The following SPIDR variants were observed in gnomAD, a reference collection of about 807,000 sequenced individuals.
The protein encoded by SPIDR is DNA repair-scaffolding protein.
In SPIDR, 93 loss-of-function variants were observed where a neutral mutation model predicts 104.6. The ratio of observed to expected loss-of-function variants is 0.89; its 90% CI spans 0.75 to 1.06. SPIDR has a LOEUF of 1.06. Among genes scored for constraint, SPIDR ranks in the 50% least tolerant of loss-of-function variants. The pLI is 0.00. For missense variants in SPIDR, 1,154 were observed against 1,111.2 expected (o/e 1.04, Z -0.55); for synonymous variants, 431 against 416.9 (o/e 1.03, Z -0.41).
At chr8:47,321,172 T>TA (rs1322360801) in intron 5 of SPIDR, among the ~76,000 whole-genome samples, 2 of 152,152 alleles carry the variant, frequency 1.3e-5, no homozygotes, top group African/African-American at 4.8e-5. Flanking sequence ...TTGCAGATGA[T>TA]ACGATTGTAT....
intron 7 of SPIDR, among the ~76,000 whole-genome samples, chr8:47,427,482 G>C (rs546157419): frequency 1.2e-3 from 188 of 152,100 alleles, no homozygotes; most frequent in Non-Finnish European, 1.9e-3. Context: ...TCAATAACAA[G>C]ACTGGTTTTT....
chr8:47,273,628 C>G (rs1386112794), intron 1 of SPIDR, among the ~76,000 whole-genome samples: 1 of 149,174 alleles, frequency 6.7e-6, no homozygotes, highest in Non-Finnish European at 1.5e-5. Context: ...CAGTCTTGCT[C>G]TGTCACCCAG....
intron 8 of SPIDR, among the ~76,000 whole-genome samples, chr8:47,538,857 CTTTTTTTTTTT>C (rs1161571829): frequency 5.0e-5 from 5 of 100,844 alleles, no homozygotes; most frequent in Non-Finnish European, 1.0e-4. Flanking sequence ...TTTTTCTTTT[CTTTTTTTTTTT>C]TTTTTTTTTT....
intron 7 of SPIDR, among the ~76,000 whole-genome samples, chr8:47,421,432 C>T (rs1272188825): frequency 6.6e-6 from 1 of 152,142 alleles, no homozygotes; most frequent in South Asian, 2.1e-4. Context: ...TTCGTCCTGT[C>T]GTTCTCTTGT....
chr8:47,482,551 T>C (rs1160869416), intron 8 of SPIDR, among the ~76,000 whole-genome samples: 1 of 152,224 alleles, frequency 6.6e-6, no homozygotes, highest in Admixed American at 6.5e-5. Flanking sequence ...TCTCTGAGGC[T>C]GTAGGTGCTG....
chr8:47,446,013 C>G (rs1016456487), intron 8 of SPIDR, among the ~76,000 whole-genome samples: 2 of 152,178 alleles, frequency 1.3e-5, no homozygotes, highest in Non-Finnish European at 2.9e-5. Context: ...GAAACTGCAG[C>G]AAATTATCCA....
At chr8:47,425,257 A>T (rs953023899) in intron 7 of SPIDR, among the ~76,000 whole-genome samples, 2 of 152,152 alleles carry the variant, frequency 1.3e-5, no homozygotes, top group East Asian at 1.9e-4. Context: ...GGCAGGTCAC[A>T]TTCATTTACT....
intron 5 of SPIDR, among the ~76,000 whole-genome samples, chr8:47,348,759 A>G (rs1554620186): frequency 6.6e-6 from 1 of 152,132 alleles, no homozygotes; most frequent in Non-Finnish European, 1.5e-5. Flanking sequence ...AAGCTTGTGC[A>G]TGCGTCACGT....
intron 2 of SPIDR, among the ~76,000 whole-genome samples, chr8:47,283,635 A>G (rs1212937113): frequency 6.6e-6 from 1 of 152,208 alleles, no homozygotes; most frequent in Non-Finnish European, 1.5e-5. Flanking sequence ...GTATGCCTTT[A>G]TATTCAGAAT....
intron 6 of SPIDR, among the ~76,000 whole-genome samples, chr8:47,402,459 G>T (rs2062040475): frequency 6.6e-6 from 1 of 152,090 alleles, no homozygotes; most frequent in Non-Finnish European, 1.5e-5. Flanking sequence ...CTGCTAGCAG[G>T]ACTAATAAAG....
At chr8:47,673,642 CTTT>C in intron 10 of SPIDR, 156 bp from the exon 11 acceptor site, 1 of 892,666 alleles carries the variant, frequency 1.1e-6, no homozygotes, top group Non-Finnish European at 1.7e-6. Flanking sequence ...CAGTGGATTT[CTTT>C]TTTTTTTCCC....
intron 7 of SPIDR, chr8:47,419,375 A>G (rs2064990022): frequency 6.6e-6 from 1 of 152,094 alleles, no homozygotes; most frequent in African/African-American, 2.4e-5. Context: ...GAATTTATCC[A>G]TTTCTTCTAG....
intron 5 of SPIDR, among the ~76,000 whole-genome samples, chr8:47,385,678 C>T (rs1554647767): frequency 6.6e-6 from 1 of 152,178 alleles, no homozygotes; most frequent in Admixed American, 6.5e-5. Context: ...CTTGGAATGC[C>T]TTTTTGCATA....
chr8:47,629,282 C>G (rs1022490299), intron 10 of SPIDR, among the ~76,000 whole-genome samples: 3 of 152,122 alleles, frequency 2.0e-5, no homozygotes, highest in Admixed American at 2.0e-4. Context: ...TGCTGGACAC[C>G]CAGTAGGTCT....
intron 5 of SPIDR, among the ~76,000 whole-genome samples, chr8:47,297,388 A>G (rs942303671): frequency 5.3e-5 from 8 of 152,244 alleles, no homozygotes; most frequent in African/African-American, 1.2e-4. Context: ...TATTCCTTCT[A>G]TACATAATGT....
Position 47,390,425 on chromosome 8 carries a change from A to C in SPIDR, c.526-5951A>C, listed in dbSNP as rs142727382. Reference sequence around the variant, plus strand: ...ATAGTCAGAATACTTTATAGCAATGAAAATTAATGATCTACAGCTGCTGTG... The same window carrying C: ...ATAGTCAGAATACTTTATAGCAATGCAAATTAATGATCTACAGCTGCTGTG... On this transcript the variant is annotated intron_variant, in intron 5 of 19. Coordinates refer to ENST00000297423, the MANE Select transcript of SPIDR (RefSeq NM_001080394.4). 8.2e-4 allele frequency among the ~76,000 whole-genome samples: 125 copies of C among 152,256 alleles called. 1 individual carries two copies. The highest frequency in any genetic ancestry group is 1.5e-3 in the Non-Finnish European group (104 of 68,028).
intron 8 of SPIDR, among the ~76,000 whole-genome samples, chr8:47,455,159 A>G (rs1585995688): frequency 6.6e-6 from 1 of 152,150 alleles, no homozygotes. Context: ...GGGCAAGTGC[A>G]TTTAATAATA....
chr8:47,478,142 G>A (rs1007221845), intron 8 of SPIDR, among the ~76,000 whole-genome samples: 1 of 152,204 alleles, frequency 6.6e-6, no homozygotes, highest in African/African-American at 2.4e-5. Context: ...CAGAGGACAC[G>A]CATCAGGTCT....
chr8:47,499,927 T>A (rs1249883766), intron 8 of SPIDR, among the ~76,000 whole-genome samples: 8 of 152,028 alleles, frequency 5.3e-5, no homozygotes, highest in Non-Finnish European at 1.0e-4. Flanking sequence ...TTTGCTGAGA[T>A]TGATGGTTTC....
Sources: allele counts gnomAD v4.1 joint callset (sites outside exome capture counted in the v4.1 genomes callset), GRCh38; gene constraint gnomAD v4.1.1; transcripts MANE v1.5; gene names NCBI Gene and HGNC (gene_info 2026-07-23, HGNC 2026-07-21).